Variants in KMT2C observed in about 807,000 individuals in gnomAD.
The protein encoded by KMT2C is histone-lysine N-methyltransferase 2C.
Under a neutral mutation model 507.9 loss-of-function variants are expected in KMT2C, and 88 were observed. The observed-to-expected ratio is 0.17, with a 90% confidence interval of 0.15 to 0.21. The LOEUF is 0.21. Among genes scored for constraint, KMT2C ranks in the 10% least tolerant of loss-of-function variants. KMT2C has a pLI of 1.00. For synonymous variants in KMT2C, 2,049 were observed against 2,080.8 expected (o/e 0.98, Z 0.42); for missense variants, 4,954 against 5,957.8 (o/e 0.83, Z 5.55).
chr7:152,370,820 G>A (rs565475608), intron 1 of KMT2C, among the ~76,000 whole-genome samples: 15 of 152,228 alleles, frequency 9.9e-5, no homozygotes, highest in Middle Eastern at 3.4e-3. Flanking sequence ...TAATTTTATC[G>A]GAACATAGCC....
At chr7:152,204,610 GAT>G (rs2094244596) in intron 25 of KMT2C, among the ~76,000 whole-genome samples, 1 of 150,196 alleles carries the variant, frequency 6.7e-6, no homozygotes, top group Non-Finnish European at 1.5e-5. Context: ...TAGATAGATA[GAT>G]AGATAGATAG....
chr7:152,354,217 T>C (rs1373239800), intron 2 of KMT2C, among the ~76,000 whole-genome samples: 2 of 152,156 alleles, frequency 1.3e-5, no homozygotes, highest in Non-Finnish European at 2.9e-5. Flanking sequence ...GGAGACAGCA[T>C]GAGAAGACAG....
rs1563832790 is a variant in KMT2C at position 152,315,346 on chromosome 7, A to C, written c.390-8T>G. 2 of 1,608,262 alleles carry C rather than the reference A, an allele frequency of 1.2e-6. No homozygotes were observed. The highest frequency in any genetic ancestry group is 2.2e-5 in the South Asian group (2 of 90,876). The stretch of plus-strand genomic sequence containing the variant: ...AAAGCGCAGAGCTGTTCACTAGTAA[A>C]AATGAAATGTAAGTCAGAGAAGGAG... On this transcript the variant is annotated splice_region_variant and splice_polypyrimidine_tract_variant and intron_variant, in intron 3 of 58. Transcript: ENST00000262189.
intron 1 of KMT2C, among the ~76,000 whole-genome samples, chr7:152,401,574 C>T (rs1439675982): frequency 6.6e-6 from 1 of 151,890 alleles, no homozygotes; most frequent in Non-Finnish European, 1.5e-5. Flanking sequence ...ACCTGTAGTC[C>T]CAGCTACTTG....
At chr7:152,267,895 C>A (rs1318386930) in intron 7 of KMT2C, among the ~76,000 whole-genome samples, 1 of 152,122 alleles carries the variant, frequency 6.6e-6, no homozygotes, top group East Asian at 1.9e-4. Context: ...CCATGCACCT[C>A]ACATAACATG....
chr7:152,281,792 G>C (rs1364297682), intron 6 of KMT2C, among the ~76,000 whole-genome samples: 1 of 151,826 alleles, frequency 6.6e-6, no homozygotes, highest in East Asian at 1.9e-4. Flanking sequence ...CACCATTTCA[G>C]GTAGATATTA....
chr7:152,214,665 G>A (rs879308759), intron 23 of KMT2C, among the ~76,000 whole-genome samples: 18 of 152,134 alleles, frequency 1.2e-4, no homozygotes, highest in African/African-American at 1.7e-4. Context: ...TGGATGAACC[G>A]GGAGGAAAGT....
At chr7:152,273,409 A>G in intron 7 of KMT2C, among the ~76,000 whole-genome samples, 1 of 152,212 alleles carries the variant, frequency 6.6e-6, no homozygotes, top group East Asian at 1.9e-4. Flanking sequence ...AATCAGAAAT[A>G]CTGCATAGTC....
chr7:152,171,142 T>C (rs1563231872), intron 40 of KMT2C, 122 bp downstream of exon 40: 1 of 526,270 alleles, frequency 1.9e-6, no homozygotes, highest in Non-Finnish European at 3.2e-6. Flanking sequence ...TATGGTGAAA[T>C]CCGCATTTAC....
intron 23 of KMT2C, among the ~76,000 whole-genome samples, chr7:152,212,976 C>T (rs1385351883): frequency 5.3e-5 from 8 of 152,144 alleles, no homozygotes; most frequent in Non-Finnish European, 7.4e-5. Context: ...ACCCAGGAGG[C>T]GGCAGAGGTT....
chr7:152,389,838 C>T (rs761617640), intron 1 of KMT2C, among the ~76,000 whole-genome samples: 4 of 151,630 alleles, frequency 2.6e-5, no homozygotes, highest in Non-Finnish European at 2.9e-5. Context: ...CTCTCCCCCT[C>T]GCAAAAAAAG....
chr7:152,187,922 A>T, intron 31 of KMT2C, 75 bp from the exon 32 acceptor site: 1 of 1,455,462 alleles, frequency 6.9e-7, no homozygotes, highest in Non-Finnish European at 9.6e-7. Context: ...TGGCCCTTGA[A>T]CAACATGGTT....
intron 6 of KMT2C, among the ~76,000 whole-genome samples, chr7:152,278,025 A>G (rs2096118927): frequency 6.6e-6 from 1 of 152,124 alleles, no homozygotes; most frequent in African/African-American, 2.4e-5. Flanking sequence ...TACTTTGGAT[A>G]TTTGTCCCCG....
At chr7:152,179,699 G>A in intron 37 of KMT2C, 135 bp downstream of exon 37, 2 of 697,318 alleles carry the variant, frequency 2.9e-6, no homozygotes, top group Admixed American at 2.8e-5. Flanking sequence ...TGCCCAGGCT[G>A]GTCTCAAACT....
chr7:152,148,983 G>T lies in KMT2C; in HGVS notation c.12944C>A (p.Ala4315Glu). The stretch of plus-strand genomic sequence containing the variant: ...ATCTGGCTTGGCCTCGACTTGGGCT[G>T]CTTCAAAAGCAGGAGGGAAGGCGAT... ...PPIAFPPAFE[A>E]AQVEAKPDEL... is the part of the protein sequence containing the mutation. The change falls in exon 52 of 59, where the codon GCA becomes GAA. Residue 4315 changes from alanine (A) to glutamate (E), a missense_variant. Ala to Glu is a moderately radical substitution (Grantham distance 107). This residue lies in a region of KMT2C where 417 missense variants were observed against 461.1 expected (regional missense o/e 0.90). Transcript: ENST00000262189. The surrounding 1 kb of genome is among the most constrained non-coding windows in gnomAD (Gnocchi z 7.1). The T allele has an allele frequency of 6.3e-7, 1 of 1,576,190 alleles. No individual in the cohort carries two copies. Among genetic ancestry groups the T allele is most frequent in the Non-Finnish European group, 8.6e-7 (1 of 1,162,518 alleles).
At chr7:152,307,184 G>A (rs528423946) in intron 6 of KMT2C, among the ~76,000 whole-genome samples, 1 of 135,020 alleles carries the variant, frequency 7.4e-6, no homozygotes, top group Admixed American at 7.8e-5. Flanking sequence ...AGGAAGGAAG[G>A]AAAGAAGAGG....
rs990719587 is a variant in KMT2C, at chr7:152,157,730, A to C, written c.11670+1133T>G. 3.4e-6 allele frequency: 4 copies of C among 1,167,114 alleles called. No individual in the cohort carries two copies. In the African/African-American group the frequency reaches 6.6e-5, roughly 19 times the overall value. 72.3% of individuals were successfully genotyped at this position (1,167,114 alleles called of 1,614,324 possible). A position where few individuals can be genotyped will look rare whatever the true frequency, so the allele number is the denominator to read the frequency against. ...ATTCTGACATGTTACCCAAAGATGA[A>C]GCAAGACAACACCTTGGCAGAGAAA... On this transcript the variant is annotated intron_variant, in intron 44 of 58. Transcript: ENST00000262189.
At chr7:152,291,091 G>A (rs1003588726) in intron 6 of KMT2C, among the ~76,000 whole-genome samples, 2 of 152,064 alleles carry the variant, frequency 1.3e-5, no homozygotes, top group African/African-American at 2.4e-5. Flanking sequence ...AATTTTAGGT[G>A]AATTTGTTAC....
intron 1 of KMT2C, among the ~76,000 whole-genome samples, chr7:152,374,403 A>G (rs540313340): frequency 6.6e-6 from 1 of 152,194 alleles, no homozygotes. Flanking sequence ...GAATGAGAAA[A>G]ACAAATTCTC....
Sources: gnomAD v4.1 joint callset for allele counts (sites outside exome capture counted in the v4.1 genomes callset) on GRCh38, gnomAD v4.1.1 for gene constraint, gnomAD v4.1.1 regional missense constraint, Gnocchi (gnomAD v3.1) non-coding constraint, MANE v1.5 for transcripts, NCBI Gene and HGNC (gene_info 2026-07-23, HGNC 2026-07-21) for gene names.